Variants in WDR7 observed in about 807,000 individuals in gnomAD.
The protein encoded by WDR7 is WD repeat-containing protein 7.
WDR7 carries 46 observed loss-of-function variants against 169.4 expected under a neutral mutation model. That is an observed-to-expected ratio of 0.27 (90% confidence interval 0.21 to 0.35). The LOEUF (loss-of-function observed/expected upper bound fraction) is 0.35, where lower values mean the gene tolerates loss of function less well. Ranked by LOEUF, WDR7 falls within the 10% of genes least tolerant of loss-of-function variation. The pLI is 1.00. For missense variants in WDR7, 1,534 were observed against 1,859.3 expected (o/e 0.83, Z 3.22); for synonymous variants, 612 against 666.8 (o/e 0.92, Z 1.27).
At chr18:56,869,204 A>G (rs545718006) in intron 20 of WDR7, among the ~76,000 whole-genome samples, 3 of 152,294 alleles carry the variant, frequency 2.0e-5, no homozygotes, top group South Asian at 2.1e-4. Flanking sequence ...GAGTGGTCAT[A>G]TATTTTGCAT....
chr18:56,823,266 T>C (rs1353869422), intron 20 of WDR7, among the ~76,000 whole-genome samples: 1 of 152,122 alleles, frequency 6.6e-6, no homozygotes, highest in South Asian at 2.1e-4. Flanking sequence ...GTCCTGTAGA[T>C]ACCTAAATAC....
intron 19 of WDR7, among the ~76,000 whole-genome samples, chr18:56,788,385 A>G (rs1432233648): frequency 6.6e-6 from 1 of 151,988 alleles, no homozygotes; most frequent in Admixed American, 6.6e-5. Context: ...TTTTATTGCT[A>G]TTGGGCTGCT....
chr18:57,013,274 C>T (rs11151986), intron 26 of WDR7, among the ~76,000 whole-genome samples: 120,436 of 152,102 alleles, frequency 0.79, 48,773 homozygotes, highest in East Asian at 0.88. Flanking sequence ...TACCTGTCAC[C>T]CACCCTCCTG....
intron 21 of WDR7, among the ~76,000 whole-genome samples, chr18:56,885,398 T>C (rs1418062365): frequency 6.6e-6 from 1 of 151,870 alleles, no homozygotes; most frequent in Non-Finnish European, 1.5e-5. Flanking sequence ...ATATAAGATA[T>C]GAAGGGAAAA....
intron 26 of WDR7, chr18:57,009,719 C>A: frequency 2.5e-6 from 1 of 407,198 alleles, no homozygotes; most frequent in Non-Finnish European, 3.3e-6. Flanking sequence ...TGTAATGTAA[C>A]ACTTTCAAGC....
intron 26 of WDR7, among the ~76,000 whole-genome samples, chr18:57,007,384 AC>A (rs1404432545): frequency 6.6e-6 from 1 of 152,188 alleles, no homozygotes; most frequent in Non-Finnish European, 1.5e-5. Flanking sequence ...GCTTTCTAAA[AC>A]ATAATTTGTG....
At chr18:56,943,702 T>G (rs2047062950) in intron 25 of WDR7, among the ~76,000 whole-genome samples, 1 of 152,160 alleles carries the variant, frequency 6.6e-6, no homozygotes, top group Non-Finnish European at 1.5e-5. Flanking sequence ...TAATAAATAA[T>G]TTTTAGTCAG....
chr18:56,845,077 A>C (rs1300720219), intron 20 of WDR7, among the ~76,000 whole-genome samples: 4 of 152,180 alleles, frequency 2.6e-5, no homozygotes, highest in Non-Finnish European at 5.9e-5. Context: ...GGTACTTGGA[A>C]TATATCTCCT....
Position 56,689,027 on chromosome 18 carries a change from CA to C in WDR7, c.717+2054del, listed in dbSNP as rs149023014. 3.9e-5 allele frequency among the ~76,000 whole-genome samples: 6 copies of C among 152,252 alleles called. No homozygotes were observed. In the East Asian group the frequency reaches 5.8e-4, roughly 15 times the overall value. ...AGGAAGAAAACTACGGAACACTCAG[CA>C]GGAAATTGGACAAAAATATTTCACA... On this transcript the variant is annotated intron_variant, in intron 7 of 27. Coordinates refer to ENST00000254442, the MANE Select transcript of WDR7 (RefSeq NM_015285.3).
At chr18:56,754,714 A>T (rs2043856625) in intron 14 of WDR7, among the ~76,000 whole-genome samples, 1 of 152,174 alleles carries the variant, frequency 6.6e-6, no homozygotes, top group Non-Finnish European at 1.5e-5. Context: ...TTACTGTTAG[A>T]TATTTAGGTG....
At chr18:56,948,359 A>T (rs1384159438) in intron 25 of WDR7, among the ~76,000 whole-genome samples, 1 of 152,168 alleles carries the variant, frequency 6.6e-6, no homozygotes, top group African/African-American at 2.4e-5. Context: ...ATGTATAACC[A>T]AGAATGATTT....
intron 26 of WDR7, among the ~76,000 whole-genome samples, chr18:56,974,640 A>G (rs2047540279): frequency 6.6e-6 from 1 of 152,094 alleles, no homozygotes; most frequent in African/African-American, 2.4e-5. Flanking sequence ...ACCAGTTAGG[A>G]TATGTGACAG....
chr18:56,719,290 G>A (rs1416802961), intron 13 of WDR7, among the ~76,000 whole-genome samples: 1 of 152,000 alleles, frequency 6.6e-6, no homozygotes, highest in Non-Finnish European at 1.5e-5. Context: ...CTGGCCGGGC[G>A]CGGTGGCTCA....
intron 16 of WDR7, among the ~76,000 whole-genome samples, chr18:56,775,220 G>A (rs1296963891): frequency 2.0e-5 from 3 of 152,012 alleles, no homozygotes; most frequent in South Asian, 2.1e-4. Flanking sequence ...AATTAACACA[G>A]CCTTTCCAGG....
At chr18:56,677,054 T>C (rs1439934046) in intron 2 of WDR7, among the ~76,000 whole-genome samples, 2 of 152,236 alleles carry the variant, frequency 1.3e-5, no homozygotes, top group African/African-American at 4.8e-5. Flanking sequence ...TGCAATATTC[T>C]GTGTTTTTCT....
intron 20 of WDR7, among the ~76,000 whole-genome samples, chr18:56,829,678 A>G (rs1297504125): frequency 1.3e-5 from 2 of 152,246 alleles, no homozygotes; most frequent in Non-Finnish European, 2.9e-5. Context: ...ATCAAAAACC[A>G]CATGATTGAG....
intron 26 of WDR7, among the ~76,000 whole-genome samples, chr18:56,983,859 C>T (rs1199725361): frequency 1.3e-5 from 2 of 152,062 alleles, no homozygotes; most frequent in Admixed American, 1.3e-4. Context: ...AATTAAAATG[C>T]TATAAGGGAT....
intron 5 of WDR7, among the ~76,000 whole-genome samples, chr18:56,684,942 C>G (rs185700458): frequency 6.6e-6 from 1 of 152,254 alleles, no homozygotes; most frequent in Non-Finnish European, 1.5e-5. Flanking sequence ...ATATTTATCT[C>G]TAATATTAGT....
At chr18:56,915,527 A>C (rs2046612812) in intron 21 of WDR7, among the ~76,000 whole-genome samples, 1 of 152,156 alleles carries the variant, frequency 6.6e-6, no homozygotes, top group Admixed American at 6.5e-5. Flanking sequence ...CTTCTTCACT[A>C]TTCAGATCCA....
Sources: gnomAD v4.1 joint callset for allele counts (sites outside exome capture counted in the v4.1 genomes callset) on GRCh38, gnomAD v4.1.1 for gene constraint, MANE v1.5 for transcripts, NCBI Gene and HGNC (gene_info 2026-07-23, HGNC 2026-07-21) for gene names.